The following TM4SF19 variants were observed in gnomAD, a reference collection of about 807,000 sequenced individuals.
The protein encoded by TM4SF19 is transmembrane 4 L6 family member 19.
In TM4SF19, 17 loss-of-function variants were observed where a neutral mutation model predicts 21.8. The ratio of observed to expected loss-of-function variants is 0.78; its 90% confidence interval spans 0.53 to 1.17. The LOEUF is 1.17. TM4SF19 is among the 50% of genes most tolerant of loss of function. The pLI is 0.00. For missense variants in TM4SF19, 216 were observed against 252.1 expected (o/e 0.86, Z 0.97); for synonymous variants, 107 against 106.7 (o/e 1.00, Z -0.02).
At chr3:196,324,216 G>C in intron 4 of TM4SF19, 55 bp downstream of exon 4, 5 of 1,492,244 alleles carry the variant, frequency 3.4e-6, no homozygotes, top group African/African-American at 1.4e-5. Flanking sequence ...GTGTCTTTTT[G>C]TCTCTCTCTC....
intron 4 of TM4SF19, 118 bp from the exon 5 acceptor site, chr3:196,324,115 G>A (rs1287034710): frequency 6.9e-7 from 1 of 1,443,444 alleles, no homozygotes; most frequent in Admixed American, 1.9e-5. Flanking sequence ...GCTCATGAGG[G>A]TGACCGTTAC....
At position 196,326,962 on chromosome 3, in the gene TM4SF19, C is replaced by T; in HGVS notation, c.272G>A (p.Cys91Tyr). 6.2e-7 allele frequency: 1 copy of T among 1,610,262 alleles called. No homozygotes were observed. Residue 91 changes from cysteine to tyrosine, a missense_variant, in exon 3 of 5, where the codon TGT becomes TAT. Coordinates refer to ENST00000273695, the MANE Select transcript of TM4SF19 (RefSeq NM_138461.4). ...RYGCFSKSGL[C>Y]RSVLTALLSG... ...GTGGAATCTGGTGCTTACGCTTCGA[C>T]AGAGCCCACTCTTACTGAAGCAGCC...
At chr3:196,337,784 A>G (rs550013103) in intron 1 of TM4SF19, among the ~76,000 whole-genome samples, 2 of 151,964 alleles carry the variant, frequency 1.3e-5, no homozygotes, top group African/African-American at 4.8e-5. Context: ...CTGCTCAAAA[A>G]CTTTTTAATA....
At chr3:196,332,338 C>T (rs1367673565) in intron 1 of TM4SF19, among the ~76,000 whole-genome samples, 1 of 147,274 alleles carries the variant, frequency 6.8e-6, no homozygotes, top group African/African-American at 2.5e-5. Flanking sequence ...CGCTTGAGCC[C>T]GAGAGGCAGA....
At chr3:196,333,954 A>G (rs534134170) in intron 1 of TM4SF19, among the ~76,000 whole-genome samples, 1 of 152,158 alleles carries the variant, frequency 6.6e-6, no homozygotes, top group East Asian at 1.9e-4. Context: ...CCAGCTACTC[A>G]GGAGGCTGAG....
chr3:196,327,329 C>A, intron 2 of TM4SF19, 61 bp downstream of exon 2: 11 of 1,528,076 alleles, frequency 7.2e-6, no homozygotes, highest in Non-Finnish European at 8.1e-6. Flanking sequence ...CCCATGCCAC[C>A]TTCCTGCTCC....
intron 1 of TM4SF19, among the ~76,000 whole-genome samples, chr3:196,334,381 C>CT (rs529810285): frequency 0.11 from 15,524 of 145,834 alleles, 829 homozygotes; most frequent in Middle Eastern, 0.16. Context: ...TTTTCTTTTT[C>CT]TTTTTTTTTT....
chr3:196,323,776 A>T lies in TM4SF19; in HGVS notation c.*41T>A. The T allele has an allele frequency of 6.2e-7, 1 of 1,614,144 alleles. No individual in the cohort carries two copies. The highest frequency in any genetic ancestry group is 1.3e-5 in the African/African-American group (1 of 75,048). On this transcript the variant is annotated 3_prime_UTR_variant, in exon 5 of 5. Transcript: ENST00000273695. ...TTGTAGAAAGGATTCAAGACAGCCG[A>T]TGATGAAAACACCCATGCTTGCAAG...
chr3:196,323,800 AGTGAAG>A lies in TM4SF19; in HGVS notation c.*11_*16del. Reference sequence around the variant, plus strand: ...GATGATGAAAACACCCATGCTTGCAAGTGAAGGTTCTGCCTGTCACTTCTCGCAGAG... The same window carrying A: ...GATGATGAAAACACCCATGCTTGCAAGTTCTGCCTGTCACTTCTCGCAGAG... On this transcript the variant is annotated 3_prime_UTR_variant, in exon 5 of 5. Coordinates refer to ENST00000273695, the MANE Select transcript of TM4SF19 (RefSeq NM_138461.4). The A allele has an allele frequency of 6.2e-7, 1 of 1,614,174 alleles. No homozygotes were observed. Among genetic ancestry groups the A allele is most frequent in the Non-Finnish European group, 8.5e-7 (1 of 1,180,038 alleles).
At chr3:196,326,657 A>G (rs377281901) in intron 3 of TM4SF19, among the ~76,000 whole-genome samples, 23 of 152,274 alleles carry the variant, frequency 1.5e-4, no homozygotes, top group South Asian at 8.3e-4. Flanking sequence ...ATATTGTCCA[A>G]CACCCTAAGA....
intron 1 of TM4SF19, among the ~76,000 whole-genome samples, chr3:196,331,378 T>A (rs1727499761): frequency 6.6e-6 from 1 of 151,530 alleles, no homozygotes; most frequent in African/African-American, 2.4e-5. Flanking sequence ...GTCAGCGTCA[T>A]GACATCCCCA....
At chr3:196,330,997 G>A (rs1727483512) in intron 1 of TM4SF19, among the ~76,000 whole-genome samples, 1 of 152,008 alleles carries the variant, frequency 6.6e-6, no homozygotes, top group African/African-American at 2.4e-5. Flanking sequence ...ATTAAGGCCG[G>A]GCACGGTGAC....
intron 1 of TM4SF19, among the ~76,000 whole-genome samples, chr3:196,331,534 T>G (rs1727508124): frequency 6.6e-6 from 1 of 151,376 alleles, no homozygotes; most frequent in African/African-American, 2.4e-5. Context: ...ACGCCTGTAA[T>G]CCCAGCACTT....
chr3:196,327,617 A>G (rs6782336), intron 1 of TM4SF19, 26 bp from the exon 2 acceptor site: 946,518 of 1,600,232 alleles, frequency 0.59, 283,454 homozygotes, highest in East Asian at 0.9. Context: ...AGGGAGTCGC[A>G]GCAGCTCTGC....
At chr3:196,326,246 A>C (rs1451385543) in intron 3 of TM4SF19, among the ~76,000 whole-genome samples, 1 of 152,144 alleles carries the variant, frequency 6.6e-6, no homozygotes, top group African/African-American at 2.4e-5. Context: ...AAGTGCTGGG[A>C]TTACAGGCGT....
At chr3:196,330,317 G>A (rs1339206406) in intron 1 of TM4SF19, among the ~76,000 whole-genome samples, 2 of 152,008 alleles carry the variant, frequency 1.3e-5, no homozygotes, top group African/African-American at 4.8e-5. Flanking sequence ...GAAAAGTTTT[G>A]GAAATAGATA....
At chr3:196,331,250 C>G (rs1369371955) in intron 1 of TM4SF19, among the ~76,000 whole-genome samples, 1 of 149,856 alleles carries the variant, frequency 6.7e-6, no homozygotes, top group African/African-American at 2.5e-5. Flanking sequence ...CACTCCAGCC[C>G]AGGAAACAAG....
intron 3 of TM4SF19, 152 bp downstream of exon 3, chr3:196,326,803 A>C (rs1727307556): frequency 5.4e-6 from 3 of 554,782 alleles, no homozygotes. Flanking sequence ...GGAAAGATGA[A>C]GCAACTTGCC....
intron 1 of TM4SF19, among the ~76,000 whole-genome samples, chr3:196,328,734 A>G (rs531864826): frequency 6.6e-6 from 1 of 152,312 alleles, no homozygotes; most frequent in East Asian, 1.9e-4. Context: ...AAATTGACAA[A>G]CTGAATCTAA....
Sources: allele counts gnomAD v4.1 joint callset (sites outside exome capture counted in the v4.1 genomes callset), GRCh38; gene constraint gnomAD v4.1.1; transcripts MANE v1.5; gene names NCBI Gene and HGNC (gene_info 2026-07-23, HGNC 2026-07-21).